AGK: variants seen among roughly 807,000 people sequenced by gnomAD.
AGK encodes acylglycerol kinase.
Under a neutral mutation model 66.4 loss-of-function variants are expected in AGK, and 52 were observed. The ratio of observed to expected loss-of-function variants is 0.78; its 90% CI spans 0.63 to 0.99. AGK has a LOEUF of 0.99. Among genes scored for constraint, AGK ranks in the 50% least tolerant of loss-of-function variants. The pLI, the probability that AGK is intolerant of heterozygous loss-of-function variation, is 0.00. For missense variants in AGK, 451 were observed against 506.6 expected, an observed-to-expected ratio of 0.89 and a Z score of 1.05; for synonymous variants, 182 against 181.1, an observed-to-expected ratio of 1.00 and a Z score of -0.04.
At chr7:141,557,858 C>T (rs756809772) in intron 2 of AGK, among the ~76,000 whole-genome samples, 10 of 152,314 alleles carry the variant, frequency 6.6e-5, no homozygotes, top group East Asian at 3.9e-4. Context: ...TGAAAAAACA[C>T]AGGACATAAA....
In AGK at chr7:141,637,843, G is replaced by A. The variant is rs755179089; in HGVS notation, c.726+826G>A. On this transcript the variant is annotated intron_variant, in intron 11 of 15. Transcript: ENST00000649286. ...TCCTTTACCTTTTAAAAAAATTCTG[G>A]CTGGATTAAAAAATTAAATGTAAAA... Among the ~76,000 whole-genome samples, 38 of 152,052 alleles carry A rather than the reference G, an allele frequency of 2.5e-4. 1 individual carries two copies. Among genetic ancestry groups the A allele is most frequent in the Non-Finnish European group, 1.5e-5 (1 of 67,992 alleles).
At chr7:141,638,711 G>A (rs1199474947) in intron 11 of AGK, among the ~76,000 whole-genome samples, 1 of 152,132 alleles carries the variant, frequency 6.6e-6, no homozygotes, top group Non-Finnish European at 1.5e-5. Flanking sequence ...CAGATTTCTG[G>A]TATGAGGGAC....
intron 2 of AGK, among the ~76,000 whole-genome samples, chr7:141,590,083 G>A (rs950536969): frequency 1.4e-4 from 21 of 152,050 alleles, no homozygotes; most frequent in Non-Finnish European, 1.8e-4. Context: ...TTAATCACAA[G>A]CTAATAATCA....
chr7:141,581,336 G>A (rs1795877715), intron 2 of AGK, among the ~76,000 whole-genome samples: 1 of 151,914 alleles, frequency 6.6e-6, no homozygotes, highest in African/African-American at 2.4e-5. Flanking sequence ...ATAATGGGTT[G>A]TGGAGGGAGG....
chr7:141,654,779 A>T lies in AGK; in HGVS notation c.*1855A>T, dbSNP rs1173141329. 1 of 152,192 alleles carries T rather than the reference A, an allele frequency of 6.6e-6. No individual in the cohort carries two copies. The highest frequency in any genetic ancestry group is 1.5e-5 in the Non-Finnish European group (1 of 68,058). 9.4% of individuals were successfully genotyped at this position (152,192 alleles called of 1,614,324 possible). On this transcript the variant is annotated 3_prime_UTR_variant, in exon 16 of 16. Coordinates refer to ENST00000649286, the MANE Select transcript of AGK (RefSeq NM_018238.4). The stretch of plus-strand genomic sequence containing the variant: ...CAGGCAGATCCCTTTTAAGATACAT[A>T]CACCATGCCCACACATCCCATGGAG...
At chr7:141,620,071 C>T (rs1002822515) in intron 8 of AGK, among the ~76,000 whole-genome samples, 1 of 152,044 alleles carries the variant, frequency 6.6e-6, no homozygotes, top group Middle Eastern at 3.2e-3. Context: ...GAGAAAAAAA[C>T]TGAACTGGAA....
chr7:141,571,563 T>A (rs977153028), intron 2 of AGK, among the ~76,000 whole-genome samples: 2 of 152,238 alleles, frequency 1.3e-5, no homozygotes, highest in Admixed American at 1.3e-4. Context: ...ATATATTGTC[T>A]AGGTGTCCTG....
intron 11 of AGK, among the ~76,000 whole-genome samples, chr7:141,640,225 T>A (rs780085230): frequency 7.9e-5 from 12 of 152,130 alleles, no homozygotes; most frequent in Non-Finnish European, 1.2e-4. Flanking sequence ...GATCTCCTAA[T>A]ACTGTGAACA....
intron 11 of AGK, among the ~76,000 whole-genome samples, chr7:141,638,036 A>T (rs933897685): frequency 7.9e-5 from 12 of 152,326 alleles, no homozygotes; most frequent in African/African-American, 2.9e-4. Context: ...GAGTAGCTAC[A>T]TATTTAAATG....
chr7:141,596,473 A>G, intron 3 of AGK, 89 bp from the exon 4 acceptor site: 6 of 1,181,756 alleles, frequency 5.1e-6, no homozygotes, highest in Middle Eastern at 2.0e-4. Context: ...TATGTGCTGC[A>G]AGTACATTTT....
Position 141,633,885 on chromosome 7 carries a change from T to C in AGK, c.589-16T>C. 7 of 1,606,840 alleles carry C rather than the reference T, an allele frequency of 4.4e-6. No individual in the cohort carries two copies. The highest frequency in any genetic ancestry group is 6.0e-6 in the Non-Finnish European group (7 of 1,173,340). On this transcript the variant is annotated splice_polypyrimidine_tract_variant and intron_variant, in intron 9 of 15. Transcript: ENST00000649286. ...ATTATAGTCATGAATTTAAATGAAATGTATTTAACTTCCAGGGTGAAAAGG... is the reference window on the plus strand; with the variant it reads ...ATTATAGTCATGAATTTAAATGAAACGTATTTAACTTCCAGGGTGAAAAGG...
chr7:141,587,608 C>G (rs985215329), intron 2 of AGK, among the ~76,000 whole-genome samples: 1 of 152,166 alleles, frequency 6.6e-6, no homozygotes, highest in African/African-American at 2.4e-5. Flanking sequence ...GTTTCTCTTG[C>G]CTAGATTCTA....
At chr7:141,637,173 C>T (rs545481947) in intron 11 of AGK, among the ~76,000 whole-genome samples, 156 bp downstream of exon 11, 3 of 151,984 alleles carry the variant, frequency 2.0e-5, no homozygotes, top group Non-Finnish European at 4.4e-5. Flanking sequence ...AAATATAGAA[C>T]GCATTCCTGT....
intron 4 of AGK, among the ~76,000 whole-genome samples, chr7:141,597,924 G>C (rs1171203730): frequency 8.1e-6 from 1 of 123,206 alleles, no homozygotes; most frequent in African/African-American, 3.2e-5. Context: ...AAAAAAGAAA[G>C]AAGAAAGAAA....
intron 3 of AGK, 56 bp downstream of exon 3, chr7:141,593,241 A>C: frequency 6.6e-7 from 1 of 1,517,158 alleles, no homozygotes; most frequent in East Asian, 2.3e-5. Context: ...TTGTGCAGAA[A>C]ACTTAAGCTC....
chr7:141,603,121 A>G (rs74341124), intron 5 of AGK, among the ~76,000 whole-genome samples: 14,310 of 152,160 alleles, frequency 0.094, 1,490 homozygotes, highest in African/African-American at 0.26. Context: ...TGGGCACTAT[A>G]TTCTATATAT....
intron 2 of AGK, among the ~76,000 whole-genome samples, chr7:141,568,875 A>T (rs1310858116): frequency 6.6e-6 from 1 of 151,752 alleles, no homozygotes; most frequent in Admixed American, 6.6e-5. Flanking sequence ...CACGCCTGGC[A>T]CCTCCCATTT....
chr7:141,551,436 T>TGAGTGCAGCGGCGCCCAGGC lies in AGK; in HGVS notation c.-15+4_-15+23dup, dbSNP rs1321281222. The TGAGTGCAGCGGCGCCCAGGC allele has an allele frequency of 2.0e-5, 3 of 152,722 alleles. No individual in the cohort carries two copies. Among genetic ancestry groups the TGAGTGCAGCGGCGCCCAGGC allele is most frequent in the Non-Finnish European group, 2.9e-5 (2 of 68,526 alleles). The allele number at this position is 152,722 out of a possible 1,614,324, so 9.5% of individuals were successfully genotyped here. A position where few individuals can be genotyped will look rare whatever the true frequency, so the allele number is the denominator to read the frequency against. On this transcript the variant is annotated splice_region_variant and intron_variant, in intron 1 of 15. Coordinates refer to ENST00000649286, the MANE Select transcript of AGK (RefSeq NM_018238.4). ...GAGCCGCGAGCTGGACCAGCCGTGG[T>TGAGTGCAGCGGCGCCCAGGC]GAGTGCAGCGGCGCCCAGGCGGGGA...
Position 141,615,510 on chromosome 7 carries a change from GGA to G in AGK, c.468_469del (p.Glu156AspfsTer3). On this transcript the variant is annotated frameshift_variant, in exon 8 of 16. Transcript: ENST00000649286. LOFTEE classifies it high-confidence loss of function. ...GATTCCCATTGGATTTATCCCACTG[GGA>G]GAGACCAGTAGTTTGAGTCATACCC... ...SKIPIGFIPL[G>X]ETSSLSHTLF... The G allele has an allele frequency of 6.2e-7, 1 of 1,613,978 alleles. No individual in the cohort carries two copies. Among genetic ancestry groups the G allele is most frequent in the East Asian group, 2.2e-5 (1 of 44,876 alleles).
Sources: gnomAD v4.1 joint callset for allele counts (sites outside exome capture counted in the v4.1 genomes callset) on GRCh38, gnomAD v4.1.1 for gene constraint, MANE v1.5 for transcripts, NCBI Gene and HGNC (gene_info 2026-07-23, HGNC 2026-07-21) for gene names.